The following ALKBH3 variants were observed in gnomAD, a reference collection of about 807,000 sequenced individuals.
ALKBH3 encodes the protein alkB homolog 3, alpha-ketoglutarate dependent dioxygenase.
In ALKBH3, 51 loss-of-function variants were observed where a neutral mutation model predicts 43.9. That is an observed-to-expected ratio of 1.16 (90% CI 0.93 to 1.47). The LOEUF is 1.47. Ranked by LOEUF, ALKBH3 falls within the 40% of genes most tolerant of loss-of-function variation. The probability of loss-of-function intolerance (pLI) is 0.00; values close to 1 mark genes in which losing one functional copy is unlikely to be tolerated. For missense variants in ALKBH3, 361 were observed against 351.9 expected (o/e 1.03, Z -0.21); for synonymous variants, 102 against 115.2 (o/e 0.89, Z 0.73).
At chr11:43,909,133 G>T (rs34507070) in intron 8 of ALKBH3, among the ~76,000 whole-genome samples, 2 of 152,194 alleles carry the variant, frequency 1.3e-5, no homozygotes, top group South Asian at 4.1e-4. Context: ...TAACCTCAGT[G>T]ACTTAAAATC....
intron 1 of ALKBH3, 129 bp downstream of exon 1, chr11:43,881,308 C>T (rs1330783061): frequency 6.6e-6 from 1 of 152,222 alleles, no homozygotes; most frequent in Non-Finnish European, 1.5e-5. Flanking sequence ...ATTAAGAATT[C>T]CTGGGTTGAG....
At chr11:43,908,712 C>G (rs1951914538) in intron 8 of ALKBH3, among the ~76,000 whole-genome samples, 1 of 152,192 alleles carries the variant, frequency 6.6e-6, no homozygotes, top group Admixed American at 6.5e-5. Flanking sequence ...TTACCCCCAC[C>G]CTATCCCTAG....
At chr11:43,891,995 T>C in intron 6 of ALKBH3, 46 bp from the exon 7 acceptor site, 1 of 1,486,960 alleles carries the variant, frequency 6.7e-7, no homozygotes. Context: ...TAGTAACACC[T>C]TAAATAGCAT....
At chr11:43,906,326 A>G (rs1346716255) in intron 8 of ALKBH3, among the ~76,000 whole-genome samples, 1 of 152,232 alleles carries the variant, frequency 6.6e-6, no homozygotes, top group Non-Finnish European at 1.5e-5. Flanking sequence ...CAGTCAAGTC[A>G]TAAATACTGA....
At chr11:43,909,972 C>G (rs1366839523) in intron 8 of ALKBH3, 1 of 152,276 alleles carries the variant, frequency 6.6e-6, no homozygotes, top group African/African-American at 2.4e-5. Flanking sequence ...GACCTCAAAT[C>G]AAGTCCACCA....
At position 43,881,640 on chromosome 11, in the gene ALKBH3, C is replaced by T. The variant is rs34784246; in HGVS notation, c.-71+461C>T. On this transcript the variant is annotated intron_variant, in intron 1 of 9. Coordinates refer to ENST00000302708, the MANE Select transcript of ALKBH3 (RefSeq NM_139178.4). ...ATGAAATGAATTACATGCTTATCAT[C>T]TGGGGGAACTTGTTAAACACACAGA... Among the ~76,000 whole-genome samples, 1,236 of 152,288 alleles carry T rather than the reference C, an allele frequency of 8.1e-3. 13 individuals are homozygous for T. The highest frequency in any genetic ancestry group is 0.028 in the African/African-American group (1,166 of 41,562).
At chr11:43,917,618 G>A (rs1462389193) in intron 8 of ALKBH3, among the ~76,000 whole-genome samples, 1 of 152,052 alleles carries the variant, frequency 6.6e-6, no homozygotes, top group Non-Finnish European at 1.5e-5. Flanking sequence ...CTTTTCCCCA[G>A]TAGGACCATG....
chr11:43,899,690 A>G, intron 7 of ALKBH3: 1 of 343,800 alleles, frequency 2.9e-6, no homozygotes. Flanking sequence ...ATAGCTCTCC[A>G]GATGGTAAAC....
At chr11:43,884,652 T>C (rs1418861137) in intron 4 of ALKBH3, among the ~76,000 whole-genome samples, 1 of 152,244 alleles carries the variant, frequency 6.6e-6, no homozygotes, top group Non-Finnish European at 1.5e-5. Flanking sequence ...CAGATATATG[T>C]TCTTGCCCAT....
chr11:43,910,816 C>T (rs1425820987), intron 8 of ALKBH3, among the ~76,000 whole-genome samples: 1 of 152,084 alleles, frequency 6.6e-6, no homozygotes, highest in Non-Finnish European at 1.5e-5. Context: ...TCCTTAATTC[C>T]AATCTTTGCT....
chr11:43,919,595 G>A (rs1221190363), intron 9 of ALKBH3: 1 of 315,682 alleles, frequency 3.2e-6, no homozygotes, highest in Non-Finnish European at 5.9e-6. Context: ...CCATAAGAAT[G>A]GAATCTCATG....
intron 5 of ALKBH3, among the ~76,000 whole-genome samples, chr11:43,887,296 C>T (rs563280428): frequency 2.2e-4 from 33 of 152,090 alleles, no homozygotes; most frequent in Admixed American, 8.5e-4. Context: ...GAAATGAGAC[C>T]TAGGAAGATT....
rs957938927 is a variant in ALKBH3 at position 43,897,087 on chromosome 11, G to A, written c.460-4429G>A. On this transcript the variant is annotated intron_variant, in intron 7 of 9. Coordinates refer to ENST00000302708, the MANE Select transcript of ALKBH3 (RefSeq NM_139178.4). Reference sequence around the variant, plus strand: ...CTCCTAAGTAGCTGGGACAACAAACGTGCCACTGTGCCTGGCTTATTTTTT... The same window carrying A: ...CTCCTAAGTAGCTGGGACAACAAACATGCCACTGTGCCTGGCTTATTTTTT... 2.7e-5 allele frequency: 10 copies of A among 369,864 alleles called. No homozygotes were observed. The East Asian group carries it at 5.1e-4, about 19-fold the overall frequency. The allele number at this position is 369,864 out of a possible 1,614,324, so 22.9% of individuals were successfully genotyped here. A position where few individuals can be genotyped will look rare whatever the true frequency, so the allele number is the denominator to read the frequency against.
rs779698624 is a variant in ALKBH3 at position 43,889,849 on chromosome 11, A to C, written c.370+21A>C. The C allele has an allele frequency of 1.9e-6, 3 of 1,584,710 alleles. No individual in the cohort carries two copies. The East Asian group carries it at 6.7e-5, about 35-fold the overall frequency. ...AGAGGGTAAGTAGATCCCAGAGGTC[A>C]CAGTTGGTGCTGCGTGTTCTCCCTC... is the stretch of plus-strand genomic sequence containing the variant. On this transcript the variant is annotated intron_variant, in intron 6 of 9. Transcript: ENST00000302708.
chr11:43,884,958 G>A (rs981928358), intron 4 of ALKBH3, among the ~76,000 whole-genome samples: 1 of 151,508 alleles, frequency 6.6e-6, no homozygotes, highest in African/African-American at 2.4e-5. Context: ...ATCTCCCTAT[G>A]TTGCCTGGGC....
chr11:43,920,044 C>T lies in ALKBH3; in HGVS notation c.*34C>T, dbSNP rs772588878. 43 of 1,574,966 alleles carry T rather than the reference C, an allele frequency of 2.7e-5. No homozygotes were observed. The highest frequency in any genetic ancestry group is 1.7e-4 in the Middle Eastern group (1 of 5,978). On this transcript the variant is annotated 3_prime_UTR_variant, in exon 10 of 10. Transcript: ENST00000302708. ...CTTTGAGAGAGAAGCTTCACTGAAA[C>T]GGAGCAAACCTTCCACTGAGAAGCC...
intron 1 of ALKBH3, 171 bp downstream of exon 1, chr11:43,881,350 A>G (rs1951709689): frequency 6.6e-6 from 1 of 152,266 alleles, no homozygotes; most frequent in African/African-American, 2.4e-5. Context: ...CTGGGACTCT[A>G]CAAATTGAGT....
intron 7 of ALKBH3, chr11:43,899,530 C>T: frequency 1.5e-6 from 1 of 685,528 alleles, no homozygotes. Context: ...CTTCTCCAGC[C>T]AGTCTCACTC....
chr11:43,911,775 A>G (rs1437250686), intron 8 of ALKBH3, among the ~76,000 whole-genome samples: 3 of 152,210 alleles, frequency 2.0e-5, no homozygotes, highest in Non-Finnish European at 4.4e-5. Context: ...AACTAATAAT[A>G]TAGACCATAT....
Sources: allele counts gnomAD v4.1 joint callset (sites outside exome capture counted in the v4.1 genomes callset), GRCh38; gene constraint gnomAD v4.1.1; transcripts MANE v1.5; gene names NCBI Gene and HGNC (gene_info 2026-07-23, HGNC 2026-07-21).